The following C6orf132 variants were observed in gnomAD, a reference collection of about 807,000 sequenced individuals.
C6orf132 encodes the protein uncharacterized protein C6orf132.
In C6orf132, 43 loss-of-function variants were observed where a neutral mutation model predicts 65.3. That is an observed-to-expected ratio of 0.66 (90% CI 0.52 to 0.85). C6orf132 has a LOEUF of 0.85. Ranked by LOEUF, C6orf132 falls within the 40% of genes least tolerant of loss-of-function variation. The probability of loss-of-function intolerance (pLI) is 0.00; values close to 1 mark genes in which losing one functional copy is unlikely to be tolerated. For missense variants in C6orf132, 1,488 were observed against 1,548.8 expected, an observed-to-expected ratio of 0.96 and a Z score of 0.66; for synonymous variants, 631 against 654.1, an observed-to-expected ratio of 0.96 and a Z score of 0.54.
rs1766419764 is a variant in C6orf132 at position 42,106,926 on chromosome 6, C to T, written c.986G>A (p.Gly329Glu). 6.5e-7 allele frequency: 1 copy of T among 1,536,106 alleles called. No homozygotes were observed. The highest frequency in any genetic ancestry group is 2.0e-5 in the Admixed American group (1 of 50,914). The change falls in exon 4 of 5, where the codon GGG becomes GAG. Residue 329 changes from glycine (G) to glutamate (E), a missense_variant. Gly to Glu is a moderately conservative substitution (Grantham distance 98, BLOSUM62 -2). Coordinates refer to ENST00000341865, the MANE Select transcript of C6orf132 (RefSeq NM_001164446.3). ...TCGGCTGGGAGCCTTCTTGGTGGCC[C>T]CCTCTTCCTTTCGGGGAGCCTCTTG... ...EAQEAPRKEE[G>E]ATKKAPSRLP...
At chr6:42,109,969 TG>T (rs1484443731) in intron 3 of C6orf132, among the ~76,000 whole-genome samples, 1 of 152,216 alleles carries the variant, frequency 6.6e-6, no homozygotes, top group Non-Finnish European at 1.5e-5. Context: ...GCTCTGGCTT[TG>T]TCCCCTTGCC....
Position 42,103,534 on chromosome 6 carries a change from C to G in C6orf132, c.*227G>C, listed in dbSNP as rs1489520695. The G allele has an allele frequency of 1.3e-5, 5 of 382,290 alleles. No individual in the cohort carries two copies. Among genetic ancestry groups the G allele is most frequent in the Non-Finnish European group, 1.8e-5 (4 of 216,894 alleles). 23.7% of individuals were successfully genotyped at this position (382,290 alleles called of 1,614,324 possible). A position where few individuals can be genotyped will look rare whatever the true frequency, so the allele number is the denominator to read the frequency against. On this transcript the variant is annotated 3_prime_UTR_variant, in exon 5 of 5. Coordinates refer to ENST00000341865, the MANE Select transcript of C6orf132 (RefSeq NM_001164446.3). ...CTACCCTCCTTCCCCTCCCACCCCC[C>G]ACGTGTAAACAGTCCACAGTCACAC...
At chr6:42,117,216 A>G (rs1223438654) in intron 2 of C6orf132, among the ~76,000 whole-genome samples, 1 of 152,226 alleles carries the variant, frequency 6.6e-6, no homozygotes, top group Non-Finnish European at 1.5e-5. Flanking sequence ...GGCATCTACT[A>G]GGTGCAAGGC....
chr6:42,131,850 T>C (rs1362139781), intron 1 of C6orf132, among the ~76,000 whole-genome samples: 1 of 152,142 alleles, frequency 6.6e-6, no homozygotes, highest in East Asian at 1.9e-4. Flanking sequence ...TATAGAAGGG[T>C]AGTGGCTGTA....
Position 42,142,396 on chromosome 6 carries a change from T to C in C6orf132, c.49A>G (p.Lys17Glu), listed in dbSNP as rs1273006512. The change falls in exon 1 of 5, where the codon AAG (lysine) becomes GAG (glutamate). Residue 17 changes from lysine to glutamate, a missense_variant. Coordinates refer to ENST00000341865, the MANE Select transcript of C6orf132 (RefSeq NM_001164446.3). The part of the protein sequence containing the change: ...VQGTFSKLFG[K>E]KHTTTPSTSL... ...GTGCTGGGGGTCGTGGTGTGCTTCTTCCCGAAGAGTTTGCTGAAGGTGCCC... is the reference window on the plus strand; with the variant it reads ...GTGCTGGGGGTCGTGGTGTGCTTCTCCCCGAAGAGTTTGCTGAAGGTGCCC... 6.4e-7 allele frequency: 1 copy of C among 1,551,424 alleles called. No individual in the cohort carries two copies. Among genetic ancestry groups the C allele is most frequent in the Non-Finnish European group, 8.7e-7 (1 of 1,146,856 alleles).
intron 2 of C6orf132, among the ~76,000 whole-genome samples, chr6:42,127,113 C>A (rs559269231): frequency 6.6e-6 from 1 of 152,204 alleles, no homozygotes; most frequent in African/African-American, 2.4e-5. Flanking sequence ...CACCACCACA[C>A]CTCACTAATT....
At chr6:42,142,251 C>T in intron 1 of C6orf132, 49 bp downstream of exon 1, 1 of 1,531,270 alleles carries the variant, frequency 6.5e-7, no homozygotes, top group Non-Finnish European at 8.8e-7. Flanking sequence ...GGCCCTGCCC[C>T]AGCGCCCTCC....
In C6orf132 at chr6:42,105,600, G is replaced by A. The variant is rs1481488314; in HGVS notation, c.2312C>T (p.Pro771Leu). 6.5e-7 allele frequency: 1 copy of A among 1,536,902 alleles called. No individual in the cohort carries two copies. ...GCTGAGGCTGCTCTGGTGGCAGTGG[G>A]GCTTGTAGAGACATGGCACCTCTCC... ...GGGEVPCLYKPHCHQSSLSRE... is the reference protein window; with the variant it reads ...GGGEVPCLYKLHCHQSSLSRE... The change falls in exon 4 of 5, where the codon CCC becomes CTC. Residue 771 changes from proline (P) to leucine (L), a missense_variant. Pro to Leu is a moderately conservative substitution (Grantham distance 98). Coordinates refer to ENST00000341865, the MANE Select transcript of C6orf132 (RefSeq NM_001164446.3).
chr6:42,105,588 T>C lies in C6orf132; in HGVS notation c.2324A>G (p.Gln775Arg). The C allele has an allele frequency of 6.5e-7, 1 of 1,536,828 alleles. No homozygotes were observed. Among genetic ancestry groups the C allele is most frequent in the Non-Finnish European group, 8.7e-7 (1 of 1,146,894 alleles). Residue 775 changes from glutamine to arginine, a missense_variant, in exon 4 of 5, where the codon CAG becomes CGG. Transcript: ENST00000341865. Reference sequence around the variant, plus strand: ...AGCAACCTCACGGCTGAGGCTGCTCTGGTGGCAGTGGGGCTTGTAGAGACA... The same window carrying C: ...AGCAACCTCACGGCTGAGGCTGCTCCGGTGGCAGTGGGGCTTGTAGAGACA... ...VPCLYKPHCH[Q>R]SSLSREVAVV...
At chr6:42,123,519 G>A (rs979061932) in intron 2 of C6orf132, among the ~76,000 whole-genome samples, 4 of 147,828 alleles carry the variant, frequency 2.7e-5, no homozygotes, top group Non-Finnish European at 4.4e-5. Flanking sequence ...AGGAGGAGAG[G>A]GAGGTGGAGG....
At chr6:42,132,889 GA>G (rs1008191732) in intron 1 of C6orf132, among the ~76,000 whole-genome samples, 3 of 151,160 alleles carry the variant, frequency 2.0e-5, no homozygotes, top group Non-Finnish European at 4.4e-5. Flanking sequence ...GAAAAGAAAA[GA>G]AAAGGAGGTG....
intron 2 of C6orf132, among the ~76,000 whole-genome samples, chr6:42,112,975 C>G (rs1462379384): frequency 2.7e-5 from 4 of 149,528 alleles, no homozygotes; most frequent in Non-Finnish European, 3.0e-5. Context: ...GAGCCATCAA[C>G]TTGTCTTTTT....
intron 2 of C6orf132, among the ~76,000 whole-genome samples, chr6:42,120,702 A>T (rs1766668319): frequency 6.6e-6 from 1 of 151,958 alleles, no homozygotes; most frequent in Non-Finnish European, 1.5e-5. Context: ...GCTCACTGCA[A>T]CCTCCACCTC....
At chr6:42,141,539 G>T (rs1238665898) in intron 1 of C6orf132, among the ~76,000 whole-genome samples, 2 of 152,234 alleles carry the variant, frequency 1.3e-5, no homozygotes, top group African/African-American at 4.8e-5. Flanking sequence ...GGTGCTTTTA[G>T]AGGCCTGCAG....
intron 2 of C6orf132, among the ~76,000 whole-genome samples, chr6:42,127,702 A>G (rs1766787889): frequency 6.6e-6 from 1 of 152,176 alleles, no homozygotes; most frequent in African/African-American, 2.4e-5. Flanking sequence ...TCCGACAGAC[A>G]GGAGTGAGCC....
Position 42,107,072 on chromosome 6 carries a change from A to G in C6orf132, c.840T>C (p.Pro280=). 1 of 1,451,268 alleles carries G rather than the reference A, an allele frequency of 6.9e-7. No homozygotes were observed. Among genetic ancestry groups the G allele is most frequent in the Non-Finnish European group, 9.1e-7 (1 of 1,102,026 alleles). 89.9% of individuals were successfully genotyped at this position (1,451,268 alleles called of 1,614,324 possible). The change falls in exon 4 of 5, where the codon CCT becomes CCC. Residue 280 remains proline (P), a synonymous_variant. Transcript: ENST00000341865. ...EATRASPPRS[P]AEPKGSALGP... The stretch of plus-strand genomic sequence containing the variant: ...CCAGGGCGCTCCCCTTTGGCTCAGC[A>G]GGGCTTCTCGGGGGGCTGGCTCTGG...
At position 42,105,126 on chromosome 6, in the gene C6orf132, A is replaced by C; in HGVS notation, c.2786T>G (p.Leu929Arg). 1 of 1,536,912 alleles carries C rather than the reference A, an allele frequency of 6.5e-7. No individual in the cohort carries two copies. The highest frequency in any genetic ancestry group is 8.7e-7 in the Non-Finnish European group (1 of 1,146,812). The change falls in exon 4 of 5, where the codon CTG becomes CGG. Residue 929 changes from leucine to arginine, a missense_variant. Transcript: ENST00000341865. ...CTTTGTCCAGTTGTGCCTGCGGCTC[A>C]GCTCTGTGCCCTCTGCGTCTCTTCC... The part of the protein sequence containing the change: ...RLGRDAEGTE[L>R]SRRHNWTKPE...
intron 1 of C6orf132, among the ~76,000 whole-genome samples, chr6:42,141,805 C>T (rs1294408655): frequency 1.3e-5 from 2 of 152,202 alleles, no homozygotes; most frequent in African/African-American, 4.8e-5. Context: ...ACCCAGATAG[C>T]AGGCCCCTCT....
chr6:42,127,965 C>A (rs1766791310), intron 2 of C6orf132, among the ~76,000 whole-genome samples: 1 of 150,730 alleles, frequency 6.6e-6, no homozygotes, highest in Non-Finnish European at 1.5e-5. Context: ...TGCTCTGTCA[C>A]CCAGGCTGGA....
Sources: allele counts gnomAD v4.1 joint callset (sites outside exome capture counted in the v4.1 genomes callset), GRCh38; gene constraint gnomAD v4.1.1; transcripts MANE v1.5; gene names NCBI Gene and HGNC (gene_info 2026-07-23, HGNC 2026-07-21).